WWC2: variants seen among roughly 807,000 people sequenced by gnomAD.
WWC2 encodes protein WWC2.
WWC2 carries 101 observed loss-of-function variants against 138.5 expected under a neutral mutation model. The observed-to-expected ratio is 0.73, with a 90% CI of 0.62 to 0.86. The LOEUF is 0.86. WWC2 is among the 40% of genes least tolerant of loss of function. The probability of loss-of-function intolerance (pLI) is 0.00; values close to 1 mark genes in which losing one functional copy is unlikely to be tolerated. For synonymous variants in WWC2, 558 were observed against 538.4 expected (o/e 1.04, Z -0.50); for missense variants, 1,420 against 1,419.4 (o/e 1.00, Z -0.01).
intron 5 of WWC2, among the ~76,000 whole-genome samples, chr4:183,242,653 G>C (rs1036703836): frequency 6.6e-6 from 1 of 152,258 alleles, no homozygotes; most frequent in South Asian, 2.1e-4. Flanking sequence ...TGAAAATTTG[G>C]TTCTCAAGGT....
intron 1 of WWC2, among the ~76,000 whole-genome samples, chr4:183,172,092 C>A (rs1463661737): frequency 6.6e-6 from 1 of 152,128 alleles, no homozygotes; most frequent in East Asian, 1.9e-4. Flanking sequence ...TTCCTATTAC[C>A]AATTTGTGGC....
intron 9 of WWC2, 54 bp downstream of exon 9, chr4:183,254,053 C>G (rs1361936308): frequency 1.8e-5 from 28 of 1,577,162 alleles, no homozygotes; most frequent in Non-Finnish European, 2.3e-5. Flanking sequence ...GGTGTCTTAA[C>G]TGGATACTAT....
At chr4:183,269,465 C>T in intron 15 of WWC2, 1 of 540,492 alleles carries the variant, frequency 1.9e-6, no homozygotes, top group Non-Finnish European at 3.7e-6. Context: ...GTGTGCTTAC[C>T]ACTCCCAGTA....
At chr4:183,231,507 T>G (rs971135000) in intron 4 of WWC2, among the ~76,000 whole-genome samples, 7 of 151,980 alleles carry the variant, frequency 4.6e-5, no homozygotes, top group Admixed American at 3.9e-4. Context: ...CGACCTCAAG[T>G]GATCCACCTG....
chr4:183,303,888 A>G (rs1738943349), intron 21 of WWC2, among the ~76,000 whole-genome samples: 1 of 151,918 alleles, frequency 6.6e-6, no homozygotes, highest in South Asian at 2.1e-4. Flanking sequence ...GAAATCTAGT[A>G]TAGCCACATG....
intron 1 of WWC2, among the ~76,000 whole-genome samples, chr4:183,103,446 C>T (rs1174209067): frequency 6.6e-6 from 1 of 151,358 alleles, no homozygotes; most frequent in African/African-American, 2.4e-5. Flanking sequence ...CCTGTCTCAG[C>T]CTCCCGAGTA....
At chr4:183,142,083 T>C (rs941471515) in intron 1 of WWC2, among the ~76,000 whole-genome samples, 4 of 152,084 alleles carry the variant, frequency 2.6e-5, no homozygotes, top group South Asian at 2.1e-4. Flanking sequence ...TTTAGAAAAG[T>C]GATAGGAGAG....
intron 4 of WWC2, among the ~76,000 whole-genome samples, chr4:183,210,150 T>G (rs1470515927): frequency 1.3e-5 from 2 of 152,202 alleles, no homozygotes; most frequent in Non-Finnish European, 2.9e-5. Context: ...TTCTGATTAT[T>G]AAAAATTATG....
intron 14 of WWC2, among the ~76,000 whole-genome samples, chr4:183,268,105 T>G (rs1240736923): frequency 6.6e-6 from 1 of 152,204 alleles, no homozygotes; most frequent in East Asian, 1.9e-4. Flanking sequence ...AAATACAAAA[T>G]AATATGACAT....
intron 1 of WWC2, among the ~76,000 whole-genome samples, chr4:183,136,214 CTCTT>C (rs1156546160): frequency 1.3e-5 from 2 of 151,688 alleles, no homozygotes; most frequent in Admixed American, 6.6e-5. Context: ...CTCCCATTCT[CTCTT>C]TCTTCTTTAT....
At chr4:183,199,821 A>AT (rs1156796391) in intron 2 of WWC2, among the ~76,000 whole-genome samples, 2 of 152,212 alleles carry the variant, frequency 1.3e-5, no homozygotes, top group African/African-American at 4.8e-5. Flanking sequence ...GGTACAGGGC[A>AT]TTTTGACAGT....
At chr4:183,245,250 G>C (rs1221656051) in intron 5 of WWC2, among the ~76,000 whole-genome samples, 166 bp from the exon 6 acceptor site, 4 of 136,742 alleles carry the variant, frequency 2.9e-5, no homozygotes, top group Non-Finnish European at 6.3e-5. Context: ...AAAAAAAAAA[G>C]AGAGAGAAAG....
intron 14 of WWC2, among the ~76,000 whole-genome samples, chr4:183,266,722 A>C (rs1737516761): frequency 6.6e-6 from 1 of 152,344 alleles, no homozygotes. Flanking sequence ...TCCTGTAAGA[A>C]GTGGATCTTA....
At chr4:183,284,985 T>C (rs763090520) in intron 19 of WWC2, among the ~76,000 whole-genome samples, 9 of 152,244 alleles carry the variant, frequency 5.9e-5, no homozygotes, top group Non-Finnish European at 1.2e-4. Flanking sequence ...TCTAAATTTA[T>C]TCATTCAGTT....
At chr4:183,240,581 C>A in intron 5 of WWC2, 1 of 185,496 alleles carries the variant, frequency 5.4e-6, no homozygotes, top group Non-Finnish European at 1.1e-5. Context: ...AGCTAAGAGA[C>A]TAGGCACAAG....
intron 2 of WWC2, among the ~76,000 whole-genome samples, chr4:183,196,424 T>C (rs570912685): frequency 1.3e-5 from 2 of 152,220 alleles, no homozygotes; most frequent in Non-Finnish European, 2.9e-5. Flanking sequence ...TGCCTCTTTC[T>C]TCTTCACCGG....
intron 2 of WWC2, 40 bp from the exon 3 acceptor site, chr4:183,207,913 A>T: frequency 6.5e-7 from 1 of 1,534,468 alleles, no homozygotes; most frequent in Middle Eastern, 1.8e-4. Context: ...CGGAAAACAA[A>T]GTTAAATTCT....
intron 1 of WWC2, among the ~76,000 whole-genome samples, chr4:183,116,612 TAGAGC>T (rs1472983279): frequency 6.6e-6 from 1 of 152,222 alleles, no homozygotes; most frequent in East Asian, 1.9e-4. Context: ...CTTTGGAAGA[TAGAGC>T]CTCCTTCAGG....
At chr4:183,285,922 C>G in intron 19 of WWC2, 45 bp from the exon 20 acceptor site, 1 of 1,522,606 alleles carries the variant, frequency 6.6e-7, no homozygotes, top group African/African-American at 1.4e-5. Context: ...CACTTGCACT[C>G]TGTTTGATAT....
Sources: allele counts gnomAD v4.1 joint callset (sites outside exome capture counted in the v4.1 genomes callset), GRCh38; gene constraint gnomAD v4.1.1; transcripts MANE v1.5; gene names NCBI Gene and HGNC (gene_info 2026-07-23, HGNC 2026-07-21).